The following CDK5RAP3 variants were observed in gnomAD, a reference collection of about 807,000 sequenced individuals.
CDK5RAP3 encodes CDK5 regulatory subunit-associated protein 3.
Under a neutral mutation model 73.3 loss-of-function variants are expected in CDK5RAP3, and 58 were observed. That is an observed-to-expected ratio of 0.79 (90% CI 0.64 to 0.98). The LOEUF is 0.98. Ranked by LOEUF, CDK5RAP3 falls within the 50% of genes least tolerant of loss-of-function variation. The pLI is 0.00. For missense variants in CDK5RAP3, 525 were observed against 615.8 expected (o/e 0.85, Z 1.56); for synonymous variants, 224 against 247.5 (o/e 0.91, Z 0.89).
chr17:47,970,782 G>C, upstream of CDK5RAP3: 1 of 1,492,044 alleles, frequency 6.7e-7, no homozygotes, highest in Non-Finnish European at 9.0e-7. Flanking sequence ...GTCTCAATCT[G>C]CGTGGAGAAG....
intron 5 of CDK5RAP3, chr17:47,974,856 T>G: frequency 7.8e-7 from 1 of 1,282,986 alleles, no homozygotes; most frequent in Non-Finnish European, 9.9e-7. Flanking sequence ...TTGGGTTGGG[T>G]GTAGTATAAA....
In CDK5RAP3 at chr17:47,976,721, G is replaced by A; in HGVS notation, c.808G>A (p.Gly270Ser). Reference sequence around the variant, plus strand: ...CTCTTTCCCTTTCCAGATTGACTGGGGCGACTTTGGGGTAGAGGCAGTGTC... The same window carrying A: ...CTCTTTCCCTTTCCAGATTGACTGGAGCGACTTTGGGGTAGAGGCAGTGTC... ...EQVAEDAIDWGDFGVEAVSEG... is the reference protein window; with the variant it reads ...EQVAEDAIDWSDFGVEAVSEG... The change falls in exon 9 of 14, where the codon GGC (glycine) becomes AGC (serine). Residue 270 changes from glycine to serine, a missense_variant. Physicochemically the swap from Gly to Ser is moderately conservative, Grantham distance 56 (BLOSUM62 0). Transcript: ENST00000338399. 2 of 1,610,628 alleles carry A rather than the reference G, an allele frequency of 1.2e-6. No individual in the cohort carries two copies. Among genetic ancestry groups the A allele is most frequent in the South Asian group, 1.1e-5 (1 of 90,996 alleles).
chr17:47,971,300 C>T (rs373306672), intron 1 of CDK5RAP3, 62 bp from the exon 2 acceptor site: 55 of 1,567,600 alleles, frequency 3.5e-5, no homozygotes, highest in Non-Finnish European at 4.0e-5. Context: ...TTGAAATGAG[C>T]GCGCGAGTGG....
chr17:47,976,440 A>C (rs1598224282), intron 8 of CDK5RAP3: 1 of 397,680 alleles, frequency 2.5e-6, no homozygotes, highest in East Asian at 5.9e-5. Flanking sequence ...GCTGACTGCA[A>C]CCTCTGCCTC....
upstream of CDK5RAP3, chr17:47,970,850 G>A: frequency 7.1e-7 from 1 of 1,407,538 alleles, no homozygotes; most frequent in Non-Finnish European, 9.5e-7. Flanking sequence ...GCCGCCTGTC[G>A]CAATCCCACG....
chr17:47,971,451 C>T, intron 2 of CDK5RAP3, 44 bp downstream of exon 2: 1 of 1,537,402 alleles, frequency 6.5e-7, no homozygotes, highest in Non-Finnish European at 8.8e-7. Flanking sequence ...GGGGGGAGGC[C>T]TGTGCGTTGC....
In CDK5RAP3 at chr17:47,981,199, G is replaced by A. The variant is rs1373174549; in HGVS notation, c.1320G>A (p.Lys440=). 6.2e-7 allele frequency: 1 copy of A among 1,614,236 alleles called. No individual in the cohort carries two copies. The highest frequency in any genetic ancestry group is 8.5e-7 in the Non-Finnish European group (1 of 1,180,042). Reference sequence around the variant, plus strand: ...GAGTGACTGAATTCCTCCAGCAAAAGCTGAAGCAGTCCCAGCTGCTGGCTT... The same window carrying A: ...GAGTGACTGAATTCCTCCAGCAAAAACTGAAGCAGTCCCAGCTGCTGGCTT... ...VDRVTEFLQQ[K]LKQSQLLALK... Residue 440 remains lysine, a synonymous_variant, in exon 13 of 14, where the codon AAG becomes AAA. Transcript: ENST00000338399.
intron 7 of CDK5RAP3, 73 bp from the exon 8 acceptor site, chr17:47,975,796 G>A: frequency 6.2e-7 from 1 of 1,604,064 alleles, no homozygotes; most frequent in East Asian, 2.2e-5. Flanking sequence ...ATTTGACCAT[G>A]TGGCCCAGGC....
At chr17:47,969,573 A>G (rs1308668292), upstream of CDK5RAP3, among the ~76,000 whole-genome samples, 8 of 150,292 alleles carry the variant, frequency 5.3e-5, no homozygotes, top group African/African-American at 9.8e-5. Context: ...AAAAAAAAAA[A>G]AAAAAAAAAA....
chr17:47,981,546 T>C lies in CDK5RAP3; in HGVS notation c.*44T>C. The C allele has an allele frequency of 6.2e-7, 1 of 1,614,104 alleles. No homozygotes were observed. Among genetic ancestry groups the C allele is most frequent in the Non-Finnish European group, 8.5e-7 (1 of 1,180,008 alleles). On this transcript the variant is annotated 3_prime_UTR_variant, in exon 14 of 14. Coordinates refer to ENST00000338399, the MANE Select transcript of CDK5RAP3 (RefSeq NM_176096.3). Reference sequence around the variant, plus strand: ...CTGCCCATCTTCTCCGCTTTTGGGATGAAGATGATAGCCAGGGCTGTTGTT... The same window carrying C: ...CTGCCCATCTTCTCCGCTTTTGGGACGAAGATGATAGCCAGGGCTGTTGTT...
rs765913323 is a variant in CDK5RAP3 at position 47,973,980 on chromosome 17, A to G, written c.234A>G (p.Thr78=). Residue 78 remains threonine, a synonymous_variant, in exon 4 of 14, where the codon ACA becomes ACG. Coordinates refer to ENST00000338399, the MANE Select transcript of CDK5RAP3 (RefSeq NM_176096.3). ...CLRILDLLKG[T]EASTKNIFGR... ...GAATCCTGGACCTTCTCAAAGGCAC[A>G]GAGGCCTCCACGAAGAATATTTTTG... 27 of 1,614,148 alleles carry G rather than the reference A, an allele frequency of 1.7e-5. No individual in the cohort carries two copies. Among genetic ancestry groups the G allele is most frequent in the Non-Finnish European group, 2.3e-5 (27 of 1,179,950 alleles).
At chr17:47,970,589 C>T, upstream of CDK5RAP3, 5 of 1,354,576 alleles carry the variant, frequency 3.7e-6, no homozygotes, top group Middle Eastern at 1.8e-4. Flanking sequence ...CCCTTCCCTG[C>T]CCTAATCGCC....
At chr17:47,969,074 A>G (rs1052323183), upstream of CDK5RAP3, among the ~76,000 whole-genome samples, 2 of 152,240 alleles carry the variant, frequency 1.3e-5, no homozygotes, top group Non-Finnish European at 2.9e-5. Flanking sequence ...ACCCTGAGAT[A>G]GGATAGCTGT....
Position 47,973,988 on chromosome 17 carries a change from C to T in CDK5RAP3, c.242C>T (p.Ser81Phe). The T allele has an allele frequency of 6.2e-7, 1 of 1,614,100 alleles. No individual in the cohort carries two copies. The highest frequency in any genetic ancestry group is 8.5e-7 in the Non-Finnish European group (1 of 1,179,966). The change falls in exon 4 of 14, where the codon TCC (serine) becomes TTC (phenylalanine). Residue 81 changes from serine (S) to phenylalanine (F), a missense_variant. Physicochemically the swap from Ser to Phe is radical, Grantham distance 155 (BLOSUM62 -2). Coordinates refer to ENST00000338399, the MANE Select transcript of CDK5RAP3 (RefSeq NM_176096.3). ...ILDLLKGTEASTKNIFGRYSS... is the reference protein window; with the variant it reads ...ILDLLKGTEAFTKNIFGRYSS... ...GACCTTCTCAAAGGCACAGAGGCCT[C>T]CACGAAGAATATTTTTGGCCGATAC... is the stretch of plus-strand genomic sequence containing the variant.
chr17:47,981,588 CA>C lies in CDK5RAP3; in HGVS notation c.*90del. 1 of 1,611,324 alleles carries C rather than the reference CA, an allele frequency of 6.2e-7. No individual in the cohort carries two copies. Among genetic ancestry groups the C allele is most frequent in the South Asian group, 1.1e-5 (1 of 90,718 alleles). The stretch of plus-strand genomic sequence containing the variant: ...GCTGTTGTTTTGGGGCCCTTCAAGG[CA>C]AAAGACCAGGCTGACTGGAAGATGG... On this transcript the variant is annotated 3_prime_UTR_variant, in exon 14 of 14. Coordinates refer to ENST00000338399, the MANE Select transcript of CDK5RAP3 (RefSeq NM_176096.3).
chr17:47,980,276 C>T, intron 11 of CDK5RAP3: 2 of 284,344 alleles, frequency 7.0e-6, no homozygotes, highest in South Asian at 4.1e-5. Flanking sequence ...TTTTTTCTTT[C>T]TTCCTTTTTT....
chr17:47,972,640 G>A (rs1032476208), intron 2 of CDK5RAP3, among the ~76,000 whole-genome samples: 116 of 148,350 alleles, frequency 7.8e-4, no homozygotes, highest in African/African-American at 2.6e-3. Flanking sequence ...TCATGAAAAG[G>A]ACCAATAAAA....
At position 47,973,611 on chromosome 17, in the gene CDK5RAP3, C is replaced by T. The variant is rs760758666; in HGVS notation, c.145C>T (p.Pro49Ser). 3 of 1,614,110 alleles carry T rather than the reference C, an allele frequency of 1.9e-6. No homozygotes were observed. The highest frequency in any genetic ancestry group is 2.5e-6 in the Non-Finnish European group (3 of 1,180,020). Residue 49 changes from proline to serine, a missense_variant, in exon 3 of 14, where the codon CCA becomes TCA. Transcript: ENST00000338399. ...GATCAATGCTGCCATCCAGGACATG[C>T]CAGAGAGCGAAGAGATCGCCCAGCT... ...EKINAAIQDM[P>S]ESEEIAQLLS...
rs1488626462 is a variant in CDK5RAP3 at position 47,975,505 on chromosome 17, C to A, written c.514-9C>A. ...ATCTGTTGGACTCCACCTCTTCTCCCCTCTCTAGGGCGAAAATGTCCGAGG... is the reference window on the plus strand; with the variant it reads ...ATCTGTTGGACTCCACCTCTTCTCCACTCTCTAGGGCGAAAATGTCCGAGG... On this transcript the variant is annotated splice_polypyrimidine_tract_variant and intron_variant, in intron 6 of 13. Transcript: ENST00000338399. 6.2e-7 allele frequency: 1 copy of A among 1,610,624 alleles called. No homozygotes were observed. The highest frequency in any genetic ancestry group is 1.3e-5 in the African/African-American group (1 of 75,064).
Sources: gnomAD v4.1 joint callset for allele counts (sites outside exome capture counted in the v4.1 genomes callset) on GRCh38, gnomAD v4.1.1 for gene constraint, MANE v1.5 for transcripts, NCBI Gene and HGNC (gene_info 2026-07-23, HGNC 2026-07-21) for gene names.